The following GABBR2 variants were observed in gnomAD, a reference collection of about 807,000 sequenced individuals.
The protein encoded by GABBR2 is G-protein coupled receptor 51.
In GABBR2, 23 loss-of-function variants were observed where a neutral mutation model predicts 105.6. The ratio of observed to expected loss-of-function variants is 0.22; its 90% confidence interval spans 0.16 to 0.31. GABBR2 has a LOEUF of 0.31. Ranked by LOEUF, GABBR2 falls within the 10% of genes least tolerant of loss-of-function variation. GABBR2 has a pLI of 1.00. For synonymous variants in GABBR2, 478 were observed against 499.7 expected, an observed-to-expected ratio of 0.96 and a Z score of 0.58; for missense variants, 734 against 1,245.5, an observed-to-expected ratio of 0.59 and a Z score of 6.18.
chr9:98,329,315 A>G (rs145364090), intron 13 of GABBR2, among the ~76,000 whole-genome samples: 108 of 152,328 alleles, frequency 7.1e-4, no homozygotes, highest in African/African-American at 2.5e-3. Context: ...TTTCCCCATC[A>G]GGAAAATGAG....
intron 1 of GABBR2, among the ~76,000 whole-genome samples, chr9:98,704,615 T>G (rs1830870771): frequency 6.6e-6 from 1 of 152,290 alleles, no homozygotes; most frequent in African/African-American, 2.4e-5. Flanking sequence ...CTCAAGTACA[T>G]AAAATAGTAA....
chr9:98,306,110 A>G lies in GABBR2; in HGVS notation c.2229+11T>C, dbSNP rs1304467488. 2 of 1,602,674 alleles carry G rather than the reference A, an allele frequency of 1.2e-6. No homozygotes were observed. Among genetic ancestry groups the G allele is most frequent in the Non-Finnish European group, 8.5e-7 (1 of 1,170,262 alleles). ...AGGGCAGAGGCCAGGTGGTGGGGCCAGCGCCTGTACCTTCGGCACGAATAC... is the reference window on the plus strand; with the variant it reads ...AGGGCAGAGGCCAGGTGGTGGGGCCGGCGCCTGTACCTTCGGCACGAATAC... On this transcript the variant is annotated intron_variant, in intron 15 of 18. Coordinates refer to ENST00000259455, the MANE Select transcript of GABBR2 (RefSeq NM_005458.8). This position sits in a 1 kb window ranked among gnomAD's most constrained non-coding sequence, Gnocchi z 5.4.
chr9:98,497,439 AAAGT>A (rs2131672529), intron 3 of GABBR2, among the ~76,000 whole-genome samples: 1 of 150,934 alleles, frequency 6.6e-6, no homozygotes, highest in Non-Finnish European at 1.5e-5. Context: ...AAAAAAAAAG[AAAGT>A]AAGGATCAAA....
chr9:98,468,549 A>T (rs1423820916), intron 6 of GABBR2, among the ~76,000 whole-genome samples: 1 of 152,240 alleles, frequency 6.6e-6, no homozygotes, highest in Non-Finnish European at 1.5e-5. Flanking sequence ...ATAAAAACTA[A>T]TGCAAGAAAC....
intron 7 of GABBR2, among the ~76,000 whole-genome samples, chr9:98,440,039 G>A (rs1336817): frequency 3.3e-5 from 5 of 152,184 alleles, no homozygotes; most frequent in Non-Finnish European, 7.4e-5. Flanking sequence ...TCCTTACTGC[G>A]AATTACCCTC....
At chr9:98,406,273 G>T in intron 7 of GABBR2, 132 bp from the exon 8 acceptor site, 2 of 555,034 alleles carry the variant, frequency 3.6e-6, no homozygotes, top group Non-Finnish European at 6.3e-6. Context: ...ACAGATTCCC[G>T]CTGGACCACA....
chr9:98,371,634 G>A (rs1188764412), intron 11 of GABBR2, 63 bp from the exon 12 acceptor site: 1 of 867,360 alleles, frequency 1.2e-6, no homozygotes, highest in African/African-American at 1.7e-5. Flanking sequence ...CATCAGGTAT[G>A]AGTCCACCCT....
chr9:98,470,043 T>C (rs1826637879), intron 6 of GABBR2, among the ~76,000 whole-genome samples: 2 of 152,164 alleles, frequency 1.3e-5, no homozygotes, highest in South Asian at 4.1e-4. Context: ...AGACCATAAA[T>C]AGGAATACTT....
intron 13 of GABBR2, among the ~76,000 whole-genome samples, chr9:98,357,761 G>A (rs571055244): frequency 5.9e-5 from 9 of 152,174 alleles, no homozygotes; most frequent in African/African-American, 1.9e-4. Context: ...AATTGCCAGA[G>A]CCTTACAGGA....
At chr9:98,296,466 G>T (rs1830384065) in intron 17 of GABBR2, among the ~76,000 whole-genome samples, 1 of 152,252 alleles carries the variant, frequency 6.6e-6, no homozygotes, top group Admixed American at 6.5e-5. Flanking sequence ...AAGTGGGATT[G>T]CTGGGTCTGA....
At chr9:98,444,775 A>G (rs1005257280) in intron 7 of GABBR2, among the ~76,000 whole-genome samples, 15 of 152,166 alleles carry the variant, frequency 9.9e-5, no homozygotes, top group African/African-American at 3.6e-4. Flanking sequence ...GGGAGAAACG[A>G]GAGATTGAGA....
intron 1 of GABBR2, among the ~76,000 whole-genome samples, chr9:98,587,703 T>C (rs886152665): frequency 6.6e-6 from 1 of 152,206 alleles, no homozygotes; most frequent in Non-Finnish European, 1.5e-5. Flanking sequence ...ATCAATACCA[T>C]CTAAAATTGA....
chr9:98,510,457 T>C (rs1022254322), intron 3 of GABBR2, among the ~76,000 whole-genome samples: 1 of 152,152 alleles, frequency 6.6e-6, no homozygotes, highest in African/African-American at 2.4e-5. Flanking sequence ...AATGCTCCAA[T>C]TAAAAGACAC....
intron 7 of GABBR2, among the ~76,000 whole-genome samples, chr9:98,418,592 A>T (rs1395185998): frequency 2.6e-5 from 4 of 152,174 alleles, no homozygotes; most frequent in African/African-American, 7.2e-5. Flanking sequence ...AAACAAAACA[A>T]CAACAACACA....
intron 3 of GABBR2, among the ~76,000 whole-genome samples, chr9:98,527,997 G>A (rs780597808): frequency 5.3e-5 from 8 of 152,118 alleles, no homozygotes; most frequent in African/African-American, 1.4e-4. Context: ...ATTATCAAGC[G>A]CTTGAAATCC....
intron 2 of GABBR2, among the ~76,000 whole-genome samples, chr9:98,562,444 A>G (rs1828686865): frequency 1.3e-5 from 2 of 152,194 alleles, no homozygotes; most frequent in South Asian, 2.1e-4. Flanking sequence ...TCACTGTTAA[A>G]TTTTTCAGAT....
intron 13 of GABBR2, among the ~76,000 whole-genome samples, chr9:98,360,624 T>C (rs1212128297): frequency 6.6e-6 from 1 of 152,182 alleles, no homozygotes; most frequent in Admixed American, 6.5e-5. Flanking sequence ...AAGTCTGGAA[T>C]GTGCTAGGGT....
chr9:98,593,325 G>A (rs890248170), intron 1 of GABBR2, among the ~76,000 whole-genome samples: 1 of 152,200 alleles, frequency 6.6e-6, no homozygotes, highest in Non-Finnish European at 1.5e-5. Context: ...CGCCAGAGCT[G>A]AGGACAGGGA....
Position 98,496,444 on chromosome 9 carries a change from T to C in GABBR2, c.701A>G (p.Asn234Ser), listed in dbSNP as rs749194016. Residue 234 changes from asparagine (N) to serine (S), a missense_variant, in exon 4 of 19, where the codon AAC becomes AGC. Physicochemically the swap from Asn to Ser is conservative, Grantham distance 46. Around this residue, in one of 7 missense-constraint regions of GABBR2, gnomAD observed 370 missense variants for 648.9 expected, o/e 0.57. Coordinates refer to ENST00000259455, the MANE Select transcript of GABBR2 (RefSeq NM_005458.8). ...CTTTTTGACACTGGTACAGGGATCGTTGGAGAAGCTCTCGGTGTCTGAAAT... is the reference window on the plus strand; with the variant it reads ...CTTTTTGACACTGGTACAGGGATCGCTGGAGAAGCTCTCGGTGTCTGAAAT... The part of the protein sequence containing the change: ...IEISDTESFS[N>S]DPCTSVKKLK... 3.1e-6 allele frequency: 5 copies of C among 1,612,542 alleles called. No individual in the cohort carries two copies. Among genetic ancestry groups the C allele is most frequent in the Non-Finnish European group, 4.2e-6 (5 of 1,178,786 alleles).
Sources: gnomAD v4.1 joint callset for allele counts (sites outside exome capture counted in the v4.1 genomes callset) on GRCh38, gnomAD v4.1.1 for gene constraint, gnomAD v4.1.1 regional missense constraint, Gnocchi (gnomAD v3.1) non-coding constraint, MANE v1.5 for transcripts, NCBI Gene and HGNC (gene_info 2026-07-23, HGNC 2026-07-21) for gene names.